The following CFAP54 variants were observed in gnomAD, a reference collection of about 807,000 sequenced individuals.
The protein encoded by CFAP54 is cilia and flagella associated protein 54.
In CFAP54, 290 loss-of-function variants were observed where a neutral mutation model predicts 370.4. That is an observed-to-expected ratio of 0.78 (90% CI 0.71 to 0.86). The LOEUF is 0.86. Ranked by LOEUF, CFAP54 falls within the 40% of genes least tolerant of loss-of-function variation. CFAP54 has a pLI of 0.00. For synonymous variants in CFAP54, 1,206 were observed against 1,236.5 expected, an observed-to-expected ratio of 0.98 and a Z score of 0.52; for missense variants, 3,399 against 3,528.7, an observed-to-expected ratio of 0.96 and a Z score of 0.93.
Position 96,576,617 on chromosome 12 carries a change from T to A in CFAP54, c.2652T>A (p.Ala884=), listed in dbSNP as rs530207796. 9.5e-5 allele frequency: 146 copies of A among 1,534,518 alleles called. No individual in the cohort carries two copies. The African/African-American group carries it at 1.8e-3, about 19-fold the overall frequency. The change falls in exon 20 of 68, where the codon GCT becomes GCA. Residue 884 remains alanine (A), a synonymous_variant. Transcript: ENST00000524981. ...ATTCCTTAATTCAGAGGATTGAAGC[T>A]GAACAAAATGCCCTATATTCCTATC... ...EAYSLIQRIE[A]EQNALYSYQK...
At chr12:96,772,591 A>AC (rs1555326521) in intron 60 of CFAP54, among the ~76,000 whole-genome samples, 4 of 137,830 alleles carry the variant, frequency 2.9e-5, no homozygotes, top group Non-Finnish European at 6.2e-5. Context: ...TTGGTGGGCA[A>AC]TTTTTTTTTT....
intron 19 of CFAP54, among the ~76,000 whole-genome samples, chr12:96,569,110 C>T (rs1246969051): frequency 2.0e-5 from 3 of 152,098 alleles, no homozygotes; most frequent in Non-Finnish European, 4.4e-5. Context: ...TGCTCTTAGT[C>T]CACTAACAGA....
intron 64 of CFAP54, among the ~76,000 whole-genome samples, chr12:96,813,376 G>C (rs1293565676): frequency 6.6e-6 from 1 of 152,066 alleles, no homozygotes; most frequent in Non-Finnish European, 1.5e-5. Context: ...CTCAAGATTA[G>C]TACATGGGAA....
intron 5 of CFAP54, among the ~76,000 whole-genome samples, chr12:96,515,912 G>GTTTTTTTTTTTTTT (rs71437221): frequency 9.2e-6 from 1 of 108,270 alleles, no homozygotes; most frequent in Non-Finnish European, 1.8e-5. Context: ...TTACCTCTAT[G>GTTTTTTTTTTTTTT]TTTTTTTTTT....
At position 96,623,765 on chromosome 12, in the gene CFAP54, A is replaced by G; in HGVS notation, c.3772-2A>G. 6.8e-7 allele frequency: 1 copy of G among 1,468,616 alleles called. No individual in the cohort carries two copies. 91.0% of individuals were successfully genotyped at this position (1,468,616 alleles called of 1,614,324 possible). On this transcript the variant is annotated splice_acceptor_variant, in intron 27 of 67. Transcript: ENST00000524981. LOFTEE classifies it high-confidence loss of function. ...ATTTTGACGTTTAACCAATGTTTTTAGGATTCTTCTAAGAAGTCTTTAAAG... is the reference window on the plus strand; with the variant it reads ...ATTTTGACGTTTAACCAATGTTTTTGGGATTCTTCTAAGAAGTCTTTAAAG...
rs117968370 is a variant in CFAP54, at chr12:96,605,094, G to A, written c.3639+6327G>A. 8.6e-3 allele frequency among the ~76,000 whole-genome samples: 1,305 copies of A among 152,194 alleles called. 54 individuals carry two copies. The East Asian group carries it at 0.095, about 11-fold the overall frequency. On this transcript the variant is annotated intron_variant, in intron 26 of 67. Transcript: ENST00000524981. ...TGGAGCTGTAGACTGGAGCTGTTCCGATTCAGCCATCTTGGAAGCGACTGC... is the reference window on the plus strand; with the variant it reads ...TGGAGCTGTAGACTGGAGCTGTTCCAATTCAGCCATCTTGGAAGCGACTGC...
At chr12:96,633,074 A>T (rs890210910) in intron 32 of CFAP54, among the ~76,000 whole-genome samples, 1 of 152,188 alleles carries the variant, frequency 6.6e-6, no homozygotes. Context: ...CTGATCTTCT[A>T]AACAACTTGA....
intron 15 of CFAP54, among the ~76,000 whole-genome samples, chr12:96,550,601 G>C (rs1955684175): frequency 6.6e-6 from 1 of 151,990 alleles, no homozygotes; most frequent in Admixed American, 6.6e-5. Flanking sequence ...TAAATAAAAG[G>C]GATATCTTTT....
intron 23 of CFAP54, among the ~76,000 whole-genome samples, chr12:96,590,020 T>C (rs1413181570): frequency 6.6e-6 from 1 of 152,200 alleles, no homozygotes; most frequent in African/African-American, 2.4e-5. Flanking sequence ...GTGCCGAGAT[T>C]ACAGGCATAA....
At chr12:96,870,064 C>T (rs1960116337) in intron 67 of CFAP54, among the ~76,000 whole-genome samples, 1 of 151,384 alleles carries the variant, frequency 6.6e-6, no homozygotes, top group Admixed American at 6.6e-5. Flanking sequence ...GAGATTGAGA[C>T]CATCTGGCCA....
Position 96,743,798 on chromosome 12 carries a change from G to C in CFAP54, c.7445G>C (p.Ser2482Thr), listed in dbSNP as rs759694625. ...SPQSRLTLAR[S>T]LVLLDDLTKA... ...CAATCACGGCTAACCCTGGCAAGAA[G>C]CCTAGTTTTGCTGGATGACTTAACC... The change falls in exon 54 of 68, where the codon AGC (serine) becomes ACC (threonine). Residue 2482 changes from serine (S) to threonine (T), a missense_variant. By Grantham distance (58) the Ser-to-Thr change is moderately conservative (BLOSUM62 1). Transcript: ENST00000524981. The C allele has an allele frequency of 1.2e-6, 2 of 1,613,894 alleles. No individual in the cohort carries two copies. Among genetic ancestry groups the C allele is most frequent in the African/African-American group, 2.7e-5 (2 of 75,042 alleles).
rs1216786200 is a variant in CFAP54, at chr12:96,533,871, T to G, written c.1437T>G (p.Val479=). The part of the protein sequence containing the change: ...LLELMIGRKD[V]ISVDAAVKFI... ...AACTTATGATAGGAAGAAAAGATGT[T>G]ATTTCTGTGGATGCTGCTGTGAAAT... The change falls in exon 10 of 68, where the codon GTT becomes GTG. Residue 479 remains valine (V), a synonymous_variant. Coordinates refer to ENST00000524981, the MANE Select transcript of CFAP54 (RefSeq NM_001306084.2). 6.5e-7 allele frequency: 1 copy of G among 1,535,304 alleles called. No individual in the cohort carries two copies. The highest frequency in any genetic ancestry group is 1.2e-5 in the South Asian group (1 of 83,896).
chr12:96,838,121 A>G lies in CFAP54; in HGVS notation c.9171+9033A>G, dbSNP rs79836466. On this transcript the variant is annotated intron_variant, in intron 66 of 67. Coordinates refer to ENST00000524981, the MANE Select transcript of CFAP54 (RefSeq NM_001306084.2). ...CTTAGAAAGATACACACATGATCAG[A>G]GCATTTATGAAAGCATTTTCCGCTG... Among the ~76,000 whole-genome samples the G allele has an allele frequency of 9.5e-3, 1,445 of 152,324 alleles. 54 individuals are homozygous for G. In the East Asian group the frequency reaches 0.1, roughly 10 times the overall value.
chr12:96,568,894 TGA>T (rs1955886626), intron 19 of CFAP54, among the ~76,000 whole-genome samples: 1 of 151,428 alleles, frequency 6.6e-6, no homozygotes, highest in Non-Finnish European at 1.5e-5. Context: ...AGCTTCCAAG[TGA>T]GATGACTGGC....
chr12:96,715,524 A>G (rs10745771), intron 48 of CFAP54, among the ~76,000 whole-genome samples: 117,656 of 152,102 alleles, frequency 0.77, 46,521 homozygotes, highest in African/African-American at 0.93. Context: ...TCAATGGATT[A>G]TGGGTTCTAG....
At chr12:96,550,637 G>T (rs561538776) in intron 15 of CFAP54, among the ~76,000 whole-genome samples, 6 of 152,226 alleles carry the variant, frequency 3.9e-5, no homozygotes, top group Admixed American at 1.3e-4. Context: ...TAGCAAAATG[G>T]CAAGATGAGC....
intron 11 of CFAP54, 30 bp from the exon 12 acceptor site, chr12:96,535,485 G>T (rs908460744): frequency 7.2e-7 from 1 of 1,395,838 alleles, no homozygotes; most frequent in Non-Finnish European, 9.7e-7. Context: ...TGATTTTTTT[G>T]TTTCATTTTC....
At chr12:96,860,977 T>G in intron 67 of CFAP54, 25 bp downstream of exon 67, 1 of 1,439,968 alleles carries the variant, frequency 6.9e-7, no homozygotes, top group South Asian at 1.5e-5. Flanking sequence ...GATTTAATTG[T>G]TGTTGTTTCT....
intron 19 of CFAP54, among the ~76,000 whole-genome samples, chr12:96,570,823 A>T (rs538509060): frequency 6.6e-6 from 1 of 152,274 alleles, no homozygotes; most frequent in Non-Finnish European, 1.5e-5. Flanking sequence ...AAGCACTCTG[A>T]GACATTCTGT....
Sources: gnomAD v4.1 joint callset for allele counts (sites outside exome capture counted in the v4.1 genomes callset) on GRCh38, gnomAD v4.1.1 for gene constraint, MANE v1.5 for transcripts, NCBI Gene and HGNC (gene_info 2026-07-23, HGNC 2026-07-21) for gene names.